Variants in NMBR observed in about 807,000 individuals in gnomAD.
NMBR encodes the protein neuromedin B receptor.
A neutral mutation model predicts 20.5 loss-of-function variants in NMBR; 16 were observed. The observed-to-expected ratio is 0.78, with a 90% CI of 0.53 to 1.19. NMBR has a LOEUF of 1.19. Ranked by LOEUF, NMBR falls within the 50% of genes most tolerant of loss-of-function variation. NMBR has a pLI of 0.00. For missense variants in NMBR, 582 were observed against 499.1 expected, an observed-to-expected ratio of 1.17 and a Z score of -1.58; for synonymous variants, 212 against 196.6, an observed-to-expected ratio of 1.08 and a Z score of -0.65.
At chr6:142,129,716 G>A (rs1450943447) in intron 1 of NMBR, among the ~76,000 whole-genome samples, 2 of 152,208 alleles carry the variant, frequency 1.3e-5, no homozygotes, top group Middle Eastern at 3.4e-3. Context: ...CTTTGCTTAA[G>A]GAGTATTAAT....
intron 3 of NMBR, among the ~76,000 whole-genome samples, chr6:142,077,792 C>T (rs1351189765): frequency 6.6e-6 from 1 of 152,164 alleles, no homozygotes. Context: ...CTGCAAAACC[C>T]GTTAGAAGTT....
chr6:142,140,141 A>G (rs1018460510), intron 1 of NMBR, among the ~76,000 whole-genome samples: 2 of 152,146 alleles, frequency 1.3e-5, no homozygotes, highest in Non-Finnish European at 1.5e-5. Context: ...ATAAGAACTT[A>G]TTAAACAAAG....
chr6:142,104,717 T>C (rs1244546958), intron 1 of NMBR, among the ~76,000 whole-genome samples: 1 of 152,184 alleles, frequency 6.6e-6, no homozygotes, highest in African/African-American at 2.4e-5. Flanking sequence ...TCTCTTCTTC[T>C]CTCCTCTCTC....
intron 2 of NMBR, among the ~76,000 whole-genome samples, chr6:142,082,643 T>C (rs2114559892): frequency 6.6e-6 from 1 of 152,172 alleles, no homozygotes; most frequent in African/African-American, 2.4e-5. Flanking sequence ...TTTAAGAGAG[T>C]TGTGTGCAGC....
At chr6:142,084,768 C>T (rs1404541572) in intron 2 of NMBR, among the ~76,000 whole-genome samples, 2 of 152,030 alleles carry the variant, frequency 1.3e-5, no homozygotes, top group Admixed American at 6.6e-5. Context: ...AATTTGGAAA[C>T]GCAGCTACTC....
At chr6:142,137,185 C>T (rs1272836792) in intron 1 of NMBR, among the ~76,000 whole-genome samples, 7 of 152,154 alleles carry the variant, frequency 4.6e-5, no homozygotes, top group Admixed American at 6.6e-5. Flanking sequence ...CAGTGGTTTG[C>T]AGTTCTCCTT....
chr6:142,078,564 G>T lies in NMBR; in HGVS notation c.762C>A (p.Thr254=), dbSNP rs1231550479. ...HNLPGEYNEH[T]KKQMETRKRL... ...CGCCTACTAAGCTTACCTGTTTTTT[G>T]GTATGTTCATTGTATTCTCCAGGAA... Residue 254 remains threonine (T), a synonymous_variant, in exon 3 of 4, where the codon ACC becomes ACA. Coordinates refer to ENST00000258042, the MANE Select transcript of NMBR (RefSeq NM_002511.4). The T allele has an allele frequency of 3.2e-6, 5 of 1,576,148 alleles. No individual in the cohort carries two copies. Among genetic ancestry groups the T allele is most frequent in the Admixed American group, 1.8e-5 (1 of 56,924 alleles).
rs972170959 is a variant in NMBR, at chr6:142,133,777, A to G, written c.-664+13267T>C. ...GACTCTTACATTTTTTAAATGTGAT[A>G]TAAGGATTTTTTTAAATGTCCTCCT... On this transcript the variant is annotated intron_variant, in intron 1 of 3. Transcript: ENST00000258042. The G allele has an allele frequency of 1.3e-5, 7 of 548,782 alleles. 1 individual carries two copies. The highest frequency in any genetic ancestry group is 8.3e-5 in the South Asian group (3 of 36,228). 34.0% of individuals were successfully genotyped at this position (548,782 alleles called of 1,614,324 possible).
chr6:142,075,962 T>A lies in NMBR; in HGVS notation c.859A>T (p.Met287Leu). ...FCWFPNHILY[M>L]YRSFNYNEID... The stretch of plus-strand genomic sequence containing the variant: ...TCATTATAGTTGAAAGACCGATACA[T>A]GTAAAGGATGTGGTTTGGAAACCAA... The change falls in exon 4 of 4, where the codon ATG becomes TTG. Residue 287 changes from methionine (M) to leucine (L), a missense_variant. Transcript: ENST00000258042. The A allele has an allele frequency of 6.2e-7, 1 of 1,613,720 alleles. No homozygotes were observed. The highest frequency in any genetic ancestry group is 1.1e-5 in the South Asian group (1 of 91,032).
chr6:142,097,566 T>G (rs148805156), intron 1 of NMBR, among the ~76,000 whole-genome samples: 2 of 152,226 alleles, frequency 1.3e-5, no homozygotes, highest in Admixed American at 6.6e-5. Context: ...ATTGTTAAAG[T>G]CAAAATATTG....
At chr6:142,082,874 C>T (rs1381553405) in intron 2 of NMBR, among the ~76,000 whole-genome samples, 1 of 152,164 alleles carries the variant, frequency 6.6e-6, no homozygotes, top group Non-Finnish European at 1.5e-5. Flanking sequence ...GCTGTTTTAT[C>T]CTTTTTCTCC....
At chr6:142,103,195 A>G (rs897379858) in intron 1 of NMBR, among the ~76,000 whole-genome samples, 1 of 152,150 alleles carries the variant, frequency 6.6e-6, no homozygotes, top group Non-Finnish European at 1.5e-5. Context: ...TGGGTTCTAG[A>G]TTATGAAAGG....
At position 142,075,263 on chromosome 6, in the gene NMBR, A is replaced by C. The variant is rs1721143714; in HGVS notation, c.*385T>G. On this transcript the variant is annotated 3_prime_UTR_variant, in exon 4 of 4. Transcript: ENST00000258042. ...TATTTCATGCTTCAAGATAAAACAA[A>C]ACCTAAGACAAATATGCTAGAACTG... is the stretch of plus-strand genomic sequence containing the variant. Among the ~76,000 whole-genome samples the C allele has an allele frequency of 6.6e-6, 1 of 152,112 alleles. No homozygotes were observed. Among genetic ancestry groups the C allele is most frequent in the African/African-American group, 2.4e-5 (1 of 41,424 alleles).
intron 1 of NMBR, among the ~76,000 whole-genome samples, chr6:142,144,401 G>T (rs1224603420): frequency 2.0e-5 from 3 of 152,160 alleles, no homozygotes; most frequent in Non-Finnish European, 4.4e-5. Flanking sequence ...TGTATGTAGG[G>T]TATGGTGTAA....
At chr6:142,113,754 A>C (rs1777808990) in intron 1 of NMBR, among the ~76,000 whole-genome samples, 1 of 152,120 alleles carries the variant, frequency 6.6e-6, no homozygotes, top group Admixed American at 6.5e-5. Context: ...GGAAGCAACT[A>C]TTTAGTTGCT....
chr6:142,089,147 CTT>C lies in NMBR; in HGVS notation c.-491_-490del, dbSNP rs1222174486. 1.2e-5 allele frequency: 2 copies of C among 166,642 alleles called. No homozygotes were observed. Among genetic ancestry groups the C allele is most frequent in the Non-Finnish European group, 2.7e-5 (2 of 75,386 alleles). 10.3% of individuals were successfully genotyped at this position (166,642 alleles called of 1,614,324 possible). A position where few individuals can be genotyped will look rare whatever the true frequency, so the allele number is the denominator to read the frequency against. On this transcript the variant is annotated 5_prime_UTR_variant, in exon 2 of 4. The change abolishes the stop of an existing upstream ORF in the 5' untranslated region. Coordinates refer to ENST00000258042, the MANE Select transcript of NMBR (RefSeq NM_002511.4). ...AACCTGCTTTTCCCACAGCTTTGCT[CTT>C]GTTTGTGAAGTTCCTGTTGTATTGT...
intron 1 of NMBR, among the ~76,000 whole-genome samples, chr6:142,115,968 G>A (rs1307828095): frequency 6.6e-6 from 1 of 151,892 alleles, no homozygotes; most frequent in African/African-American, 2.4e-5. Flanking sequence ...ATTAAATTAT[G>A]AGGGTGGGTC....
At chr6:142,080,982 A>T in intron 2 of NMBR, among the ~76,000 whole-genome samples, 1 of 152,242 alleles carries the variant, frequency 6.6e-6, no homozygotes, top group Non-Finnish European at 1.5e-5. Flanking sequence ...CTGCTATAAT[A>T]AAGTACCATA....
chr6:142,116,938 C>G (rs770372850), intron 1 of NMBR, among the ~76,000 whole-genome samples: 1 of 151,884 alleles, frequency 6.6e-6, no homozygotes, highest in Non-Finnish European at 1.5e-5. Context: ...AATCTGCCAC[C>G]TCACTGAAAA....
Sources: allele counts gnomAD v4.1 joint callset (sites outside exome capture counted in the v4.1 genomes callset), GRCh38; gene constraint gnomAD v4.1.1; transcripts MANE v1.5; gene names NCBI Gene and HGNC (gene_info 2026-07-23, HGNC 2026-07-21).